NLGN1: variants seen among roughly 807,000 people sequenced by gnomAD.
The protein encoded by NLGN1 is neuroligin 1, also known as neuroligin-1.
In NLGN1, 12 loss-of-function variants were observed where a neutral mutation model predicts 65.5. The observed-to-expected ratio is 0.18, with a 90% CI of 0.12 to 0.30. The LOEUF (loss-of-function observed/expected upper bound fraction) is 0.30. Ranked by LOEUF, NLGN1 falls within the 10% of genes least tolerant of loss-of-function variation. NLGN1 has a pLI of 1.00. For synonymous variants in NLGN1, 350 were observed against 359.5 expected (o/e 0.97, Z 0.30); for missense variants, 750 against 1,007.1 (o/e 0.74, Z 3.46).
At chr3:173,496,125 C>T (rs1247402785) in intron 2 of NLGN1, among the ~76,000 whole-genome samples, 3 of 151,592 alleles carry the variant, frequency 2.0e-5, no homozygotes, top group South Asian at 2.1e-4. Flanking sequence ...TTTTATGTTT[C>T]TCCTTAACAA....
intron 2 of NLGN1, among the ~76,000 whole-genome samples, chr3:173,465,909 G>A (rs1724264263): frequency 6.6e-6 from 1 of 152,154 alleles, no homozygotes; most frequent in South Asian, 2.1e-4. Context: ...GCTTGTTAAT[G>A]AGAAGATACT....
chr3:173,709,132 G>GC (rs1768519709), intron 3 of NLGN1, among the ~76,000 whole-genome samples: 1 of 152,148 alleles, frequency 6.6e-6, no homozygotes, highest in African/African-American at 2.4e-5. Context: ...TGTTATGGCA[G>GC]CAATCACACT....
intron 2 of NLGN1, among the ~76,000 whole-genome samples, chr3:173,521,556 C>A (rs988629548): frequency 6.6e-6 from 1 of 152,196 alleles, no homozygotes; most frequent in African/African-American, 2.4e-5. Context: ...ACTAATTTTT[C>A]AGATCACAAA....
chr3:173,574,712 T>A (rs1331510430), intron 2 of NLGN1, among the ~76,000 whole-genome samples: 1 of 152,158 alleles, frequency 6.6e-6, no homozygotes, highest in Non-Finnish European at 1.5e-5. Context: ...GAACATATAT[T>A]GAATACTACA....
intron 3 of NLGN1, among the ~76,000 whole-genome samples, chr3:173,648,334 C>A (rs902597572): frequency 6.6e-6 from 1 of 151,978 alleles, no homozygotes; most frequent in Non-Finnish European, 1.5e-5. Context: ...AAAAACCAGT[C>A]AAAATATTTA....
At chr3:174,196,915 C>T (rs1733529164) in intron 4 of NLGN1, among the ~76,000 whole-genome samples, 1 of 152,084 alleles carries the variant, frequency 6.6e-6, no homozygotes, top group African/African-American at 2.4e-5. Context: ...AGTAACATTC[C>T]CAAGGCCTTT....
intron 3 of NLGN1, among the ~76,000 whole-genome samples, chr3:173,800,120 G>GT (rs753376266): frequency 1.9e-4 from 28 of 147,578 alleles, no homozygotes; most frequent in African/African-American, 5.0e-4. Context: ...TTGGGAAAGG[G>GT]TTTTTTTTTC....
At chr3:173,701,769 C>T (rs1447820214) in intron 3 of NLGN1, among the ~76,000 whole-genome samples, 1 of 152,146 alleles carries the variant, frequency 6.6e-6, no homozygotes, top group African/African-American at 2.4e-5. Flanking sequence ...AAGCCCATTG[C>T]CCTTAAGTAA....
chr3:174,242,645 C>A (rs1048171209), intron 4 of NLGN1, among the ~76,000 whole-genome samples: 4 of 152,062 alleles, frequency 2.6e-5, no homozygotes, highest in Non-Finnish European at 5.9e-5. Flanking sequence ...TCTCCCATCT[C>A]TGCCAGATAG....
At chr3:173,685,019 TC>T (rs60277868) in intron 3 of NLGN1, among the ~76,000 whole-genome samples, 27,488 of 152,032 alleles carry the variant, frequency 0.18, 2,679 homozygotes, top group African/African-American at 0.24. Flanking sequence ...ACCAGTTGAA[TC>T]CTCTATGCCC....
chr3:173,497,394 A>G (rs1381929467), intron 2 of NLGN1, among the ~76,000 whole-genome samples: 2 of 37,272 alleles, frequency 5.4e-5, no homozygotes, highest in South Asian at 2.3e-3. Flanking sequence ...ATCTCAAAAT[A>G]AATAAATAAA....
At chr3:173,698,334 A>G (rs1386610511) in intron 3 of NLGN1, among the ~76,000 whole-genome samples, 3 of 152,216 alleles carry the variant, frequency 2.0e-5, no homozygotes, top group Non-Finnish European at 4.4e-5. Context: ...TTTATGCCAT[A>G]TGAAAACAGA....
At chr3:174,107,017 C>CAGAGAGAGAGAGAG (rs71162376) in intron 4 of NLGN1, among the ~76,000 whole-genome samples, 25 of 97,682 alleles carry the variant, frequency 2.6e-4, no homozygotes, top group South Asian at 8.5e-4. Context: ...CACACACACA[C>CAGAGAGAGAGAGAG]AGAGAGAGAG....
chr3:173,874,253 GCT>G (rs1364662128), intron 4 of NLGN1, among the ~76,000 whole-genome samples: 1 of 152,170 alleles, frequency 6.6e-6, no homozygotes, highest in Non-Finnish European at 1.5e-5. Context: ...TGGGCTGTCA[GCT>G]ATTCCCCTTT....
chr3:173,416,799 G>A (rs1713884910), intron 1 of NLGN1, among the ~76,000 whole-genome samples: 1 of 152,058 alleles, frequency 6.6e-6, no homozygotes, highest in East Asian at 1.9e-4. Flanking sequence ...CAAGCACAAA[G>A]ATTTCATCAC....
intron 2 of NLGN1, among the ~76,000 whole-genome samples, chr3:173,539,518 T>C (rs1398719006): frequency 6.9e-6 from 1 of 144,160 alleles, no homozygotes; most frequent in African/African-American, 2.5e-5. Context: ...TATGTACATG[T>C]ATATGTATAT....
At chr3:174,124,292 C>A (rs59466247) in intron 4 of NLGN1, among the ~76,000 whole-genome samples, 146 of 152,144 alleles carry the variant, frequency 9.6e-4, no homozygotes, top group African/African-American at 3.4e-3. Context: ...TGTTACTGCT[C>A]TGTTAATAGC....
chr3:173,544,814 C>T (rs1739500297), intron 2 of NLGN1, among the ~76,000 whole-genome samples: 1 of 151,948 alleles, frequency 6.6e-6, no homozygotes. Context: ...GAAGAGAAAA[C>T]TAAGGAACCT....
intron 4 of NLGN1, among the ~76,000 whole-genome samples, chr3:174,023,477 G>A (rs1728180132): frequency 2.0e-5 from 3 of 152,104 alleles, no homozygotes; most frequent in Non-Finnish European, 4.4e-5. Flanking sequence ...TGGGATATGG[G>A]TAGAAAGGCA....
Sources: allele counts gnomAD v4.1 joint callset (sites outside exome capture counted in the v4.1 genomes callset), GRCh38; gene constraint gnomAD v4.1.1; transcripts MANE v1.5; gene names NCBI Gene and HGNC (gene_info 2026-07-23, HGNC 2026-07-21).